The following KCNQ2 variants were observed in gnomAD, a reference collection of about 807,000 sequenced individuals.
KCNQ2 encodes the protein potassium voltage-gated channel subfamily Q member 2, also known as potassium voltage-gated channel subfamily KQT member 2.
Under a neutral mutation model 84.8 loss-of-function variants are expected in KCNQ2, and 14 were observed. That is an observed-to-expected ratio of 0.17 (90% CI 0.11 to 0.26). The LOEUF (loss-of-function observed/expected upper bound fraction) is 0.26, where lower values mean the gene tolerates loss of function less well. Ranked by LOEUF, KCNQ2 falls within the 10% of genes least tolerant of loss-of-function variation. The pLI is 1.00. For synonymous variants in KCNQ2, 599 were observed against 554.1 expected (o/e 1.08, Z -1.14); for missense variants, 788 against 1,254.0 (o/e 0.63, Z 5.61).
intron 1 of KCNQ2, chr20:63,463,993 C>A (rs1460495586): frequency 6.6e-6 from 1 of 152,108 alleles, no homozygotes; most frequent in African/African-American, 2.4e-5. Context: ...CACTCCCCGC[C>A]GGACTTCCTG....
Position 63,408,318 on chromosome 20 carries a change from C to A in KCNQ2, c.1887+95G>T. On this transcript the variant is annotated intron_variant, in intron 16 of 16. Coordinates refer to ENST00000359125, the MANE Select transcript of KCNQ2 (RefSeq NM_172107.4). The surrounding 1 kb of genome is among the most constrained non-coding windows in gnomAD (Gnocchi z 5.0). ...TAAACCCTAGACTTGAGGAGCCCTC[C>A]GTGGCACCCAGCCCCTGAAGCCCAC... The A allele has an allele frequency of 6.7e-7, 1 of 1,499,378 alleles. No individual in the cohort carries two copies. 92.9% of individuals were successfully genotyped at this position (1,499,378 alleles called of 1,614,324 possible).
rs549245533 is a variant in KCNQ2, at chr20:63,433,957, CCAG to C, written c.1024-57_1024-55del. On this transcript the variant is annotated intron_variant, in intron 7 of 16. Transcript: ENST00000359125. Reference sequence around the variant, plus strand: ...GAGGGGCAGGCGGCGAGGGGCGCGCCCAGGAGGGCCGGGCGTGGAGGGAACGGG... The same window carrying C: ...GAGGGGCAGGCGGCGAGGGGCGCGCCGAGGGCCGGGCGTGGAGGGAACGGG... 94 of 1,534,690 alleles carry C rather than the reference CCAG, an allele frequency of 6.1e-5. No individual in the cohort carries two copies. The East Asian group carries it at 2.0e-3, about 33-fold the overall frequency.
At position 63,433,868 on chromosome 20, in the gene KCNQ2, G is replaced by A; in HGVS notation, c.1059C>T (p.Arg353=). 1 of 1,613,906 alleles carries A rather than the reference G, an allele frequency of 6.2e-7. No individual in the cohort carries two copies. The highest frequency in any genetic ancestry group is 1.7e-5 in the Admixed American group (1 of 60,018). Residue 353 remains arginine, a synonymous_variant, in exon 8 of 17, where the codon CGC becomes CGT. Transcript: ENST00000359125. ...ACTGCCACGTGGAGTGCAGGTCTGT[G>A]CGCGAGAGGTTGGTGGCGTAGAATC... is the stretch of plus-strand genomic sequence containing the variant. The part of the protein sequence containing the change: ...AWRFYATNLS[R]TDLHSTWQYY...
In KCNQ2 at chr20:63,446,135, G is replaced by C. The variant is rs995808776; in HGVS notation, c.387+612C>G. 1 of 296,418 alleles carries C rather than the reference G, an allele frequency of 3.4e-6. No homozygotes were observed. Among genetic ancestry groups the C allele is most frequent in the South Asian group, 2.9e-5 (1 of 34,892 alleles). The allele number at this position is 296,418 out of a possible 1,614,324, so 18.4% of individuals were successfully genotyped here. ...TGGGGGACCTGCCTTGAGTTGGGGG[G>C]TGCACAGCAGGGCTGAGCTGAGGGA... On this transcript the variant is annotated intron_variant, in intron 2 of 16. Coordinates refer to ENST00000359125, the MANE Select transcript of KCNQ2 (RefSeq NM_172107.4). This position sits in a 1 kb window ranked among gnomAD's most constrained non-coding sequence, Gnocchi z 5.5.
At chr20:63,442,795 T>C (rs1046136625) in intron 4 of KCNQ2, among the ~76,000 whole-genome samples, 251 of 9,952 alleles carry the variant, frequency 0.025, no homozygotes, top group Admixed American at 0.038. Flanking sequence ...CCATCACCAT[T>C]ACCACCACCA....
At chr20:63,466,180 T>C (rs73918931) in intron 1 of KCNQ2, among the ~76,000 whole-genome samples, 3,150 of 152,180 alleles carry the variant, frequency 0.021, 132 homozygotes, top group South Asian at 0.17. Flanking sequence ...GGCAGGCACC[T>C]TCGTTCCAAG....
intron 3 of KCNQ2, 107 bp from the exon 4 acceptor site, chr20:63,444,941 G>T: frequency 7.9e-7 from 1 of 1,264,584 alleles, no homozygotes. Flanking sequence ...GGGCGGGAAG[G>T]TGTATGCCCA....
At chr20:63,442,337 G>A in intron 5 of KCNQ2, 69 bp downstream of exon 5, 1 of 1,609,830 alleles carries the variant, frequency 6.2e-7, no homozygotes, top group East Asian at 2.2e-5. Flanking sequence ...GCCAGTGAGA[G>A]CCTGGTCCCA....
intron 11 of KCNQ2, chr20:63,422,537 C>G: frequency 6.6e-6 from 1 of 152,532 alleles, no homozygotes; most frequent in Non-Finnish European, 1.5e-5. Flanking sequence ...AAGGACCCCC[C>G]GGACACATGG....
At position 63,408,601 on chromosome 20, in the gene KCNQ2, T is replaced by G; in HGVS notation, c.1764-65A>C. On this transcript the variant is annotated intron_variant, in intron 15 of 16. Transcript: ENST00000359125. This position sits in a 1 kb window ranked among gnomAD's most constrained non-coding sequence, Gnocchi z 5.0. ...GTGCAGCAGGGCCCCTGCCCTCTCC[T>G]CCTGGACCAGGCCACAGTGCCCCTG... is the stretch of plus-strand genomic sequence containing the variant. 1.3e-6 allele frequency: 2 copies of G among 1,586,588 alleles called. No individual in the cohort carries two copies. Among genetic ancestry groups the G allele is most frequent in the South Asian group, 2.3e-5 (2 of 87,350 alleles).
At chr20:63,412,044 G>T (rs1001490655) in intron 15 of KCNQ2, 9 of 569,640 alleles carry the variant, frequency 1.6e-5, no homozygotes, top group African/African-American at 3.9e-5. Flanking sequence ...CTGGACCTTG[G>T]ATTTGCCAAG....
In KCNQ2 at chr20:63,406,592, G is replaced by T. The variant is rs888528655; in HGVS notation, c.*52C>A. On this transcript the variant is annotated 3_prime_UTR_variant, in exon 17 of 17. Transcript: ENST00000359125. ...AGAGGGTTCCCGCCTCAAAACCTCG[G>T]AGGCACCGTGCTGAGGAGGGCCGCG... The T allele has an allele frequency of 5.9e-6, 9 of 1,529,860 alleles. No individual in the cohort carries two copies. The highest frequency in any genetic ancestry group is 7.9e-6 in the Non-Finnish European group (9 of 1,145,708). The allele number at this position is 1,529,860 out of a possible 1,614,324, so 94.8% of individuals were successfully genotyped here. A position where few individuals can be genotyped will look rare whatever the true frequency, so the allele number is the denominator to read the frequency against.
At chr20:63,443,252 A>C (rs1600776299) in intron 4 of KCNQ2, among the ~76,000 whole-genome samples, 1 of 76,356 alleles carries the variant, frequency 1.3e-5, no homozygotes, top group Admixed American at 1.3e-4. Context: ...CCATCACATC[A>C]CCATCGCCAC....
At chr20:63,463,926 C>G (rs991021327) in intron 1 of KCNQ2, 1 of 152,042 alleles carries the variant, frequency 6.6e-6, no homozygotes, top group East Asian at 1.9e-4. Flanking sequence ...CCCCCAGGAG[C>G]TGCCCGTCCG....
At chr20:63,461,009 C>T (rs2081933337) in intron 1 of KCNQ2, 1 of 152,254 alleles carries the variant, frequency 6.6e-6, no homozygotes, top group Admixed American at 6.5e-5. Context: ...CGCCTGAATC[C>T]TATTCTGTTT....
At chr20:63,436,201 G>C (rs1426576209) in intron 7 of KCNQ2, among the ~76,000 whole-genome samples, 2 of 152,198 alleles carry the variant, frequency 1.3e-5, no homozygotes, top group East Asian at 3.8e-4. Context: ...AAGGAAGAGT[G>C]AATCGATGCG....
At chr20:63,463,445 G>C (rs2082006213) in intron 1 of KCNQ2, among the ~76,000 whole-genome samples, 1 of 152,060 alleles carries the variant, frequency 6.6e-6, no homozygotes, top group Non-Finnish European at 1.5e-5. Context: ...CCCTTCCCCA[G>C]GGCTCAGCCT....
chr20:63,425,864 A>G lies in KCNQ2; in HGVS notation c.1218-1658T>C, dbSNP rs947680289. Among the ~76,000 whole-genome samples, 2 of 152,196 alleles carry G rather than the reference A, an allele frequency of 1.3e-5. No individual in the cohort carries two copies. The highest frequency in any genetic ancestry group is 4.8e-5 in the African/African-American group (2 of 41,432). On this transcript the variant is annotated intron_variant, in intron 10 of 16. Coordinates refer to ENST00000359125, the MANE Select transcript of KCNQ2 (RefSeq NM_172107.4). This position sits in a 1 kb window ranked among gnomAD's most constrained non-coding sequence, Gnocchi z 5.5. ...AAGTCCTCCATGCATGGGCTTGTGA[A>G]CTAGAAAACAAGCCATCTGCTTAAA...
intron 1 of KCNQ2, among the ~76,000 whole-genome samples, chr20:63,453,209 C>T (rs554143490): frequency 5.3e-5 from 8 of 152,360 alleles, no homozygotes; most frequent in East Asian, 3.9e-4. Context: ...CACAGGCCCA[C>T]GGCTTCCAGC....
Sources: gnomAD v4.1 joint callset for allele counts (sites outside exome capture counted in the v4.1 genomes callset) on GRCh38, gnomAD v4.1.1 for gene constraint, Gnocchi (gnomAD v3.1) non-coding constraint, MANE v1.5 for transcripts, NCBI Gene and HGNC (gene_info 2026-07-23, HGNC 2026-07-21) for gene names.